ARHGEF38: variants seen among roughly 807,000 people sequenced by gnomAD.
ARHGEF38 encodes Rho guanine nucleotide exchange factor (GEF) 38.
A neutral mutation model predicts 79.9 loss-of-function variants in ARHGEF38; 79 were observed. The observed-to-expected ratio is 0.99, with a 90% CI of 0.82 to 1.19. The LOEUF (loss-of-function observed/expected upper bound fraction) is 1.19. ARHGEF38 is among the 50% of genes most tolerant of loss of function. The pLI is 0.00. For missense variants in ARHGEF38, 962 were observed against 907.2 expected (o/e 1.06, Z -0.78); for synonymous variants, 366 against 328.3 (o/e 1.11, Z -1.24).
At chr4:105,600,382 T>C (rs909976626) in intron 2 of ARHGEF38, among the ~76,000 whole-genome samples, 1 of 152,188 alleles carries the variant, frequency 6.6e-6, no homozygotes, top group African/African-American at 2.4e-5. Flanking sequence ...TGGCAGCATT[T>C]GACAAAAACA....
At chr4:105,672,076 C>A (rs1412592096) in intron 13 of ARHGEF38, among the ~76,000 whole-genome samples, 3 of 152,092 alleles carry the variant, frequency 2.0e-5, no homozygotes, top group African/African-American at 7.2e-5. Flanking sequence ...AACTTAGATT[C>A]TAGTGGCTCT....
chr4:105,566,053 T>A (rs909453458), intron 1 of ARHGEF38, among the ~76,000 whole-genome samples: 1 of 152,146 alleles, frequency 6.6e-6, no homozygotes, highest in African/African-American at 2.4e-5. Context: ...CTCTCAAATC[T>A]AGTTCAGTGG....
chr4:105,659,005 G>T, intron 9 of ARHGEF38, 49 bp from the exon 10 acceptor site: 2 of 1,466,646 alleles, frequency 1.4e-6, no homozygotes, highest in South Asian at 1.3e-5. Context: ...ACTGGACAAG[G>T]TATGGGCTGA....
intron 3 of ARHGEF38, among the ~76,000 whole-genome samples, chr4:105,615,318 A>G (rs1728468507): frequency 6.6e-6 from 1 of 152,204 alleles, no homozygotes; most frequent in Non-Finnish European, 1.5e-5. Flanking sequence ...AGAGAGAAAG[A>G]TATGGTAGGT....
At chr4:105,582,999 ATCT>A (rs541260907) in intron 1 of ARHGEF38, among the ~76,000 whole-genome samples, 295 of 152,122 alleles carry the variant, frequency 1.9e-3, no homozygotes, top group Non-Finnish European at 3.1e-3. Context: ...TTGTACTTTC[ATCT>A]TCTTGTGTGC....
At chr4:105,601,738 T>G (rs1727831230) in intron 2 of ARHGEF38, among the ~76,000 whole-genome samples, 1 of 151,984 alleles carries the variant, frequency 6.6e-6, no homozygotes, top group South Asian at 2.1e-4. Context: ...AGGTAGAAAA[T>G]CAGAGATGCT....
chr4:105,617,369 G>C (rs1284873495), intron 3 of ARHGEF38, among the ~76,000 whole-genome samples: 1 of 152,084 alleles, frequency 6.6e-6, no homozygotes, highest in Non-Finnish European at 1.5e-5. Context: ...TGAAGTTGTG[G>C]AATTTATTAA....
At chr4:105,571,476 C>T (rs1433577878) in intron 1 of ARHGEF38, among the ~76,000 whole-genome samples, 2 of 152,048 alleles carry the variant, frequency 1.3e-5, no homozygotes, top group Admixed American at 6.5e-5. Context: ...GCGCCCACCA[C>T]CATGCCCAGC....
chr4:105,630,820 C>T (rs1027000321), intron 3 of ARHGEF38, 78 bp from the exon 4 acceptor site: 44 of 1,322,172 alleles, frequency 3.3e-5, no homozygotes, highest in South Asian at 2.5e-4. Flanking sequence ...TGACACGAGT[C>T]GACATTGTTG....
chr4:105,667,146 A>C lies in ARHGEF38; in HGVS notation c.1707A>C (p.Gln569His). 6.5e-7 allele frequency: 1 copy of C among 1,533,260 alleles called. No individual in the cohort carries two copies. Among genetic ancestry groups the C allele is most frequent in the Non-Finnish European group, 8.7e-7 (1 of 1,144,870 alleles). The allele number at this position is 1,533,260 out of a possible 1,614,324, so 95.0% of individuals were successfully genotyped here. Reference sequence around the variant, plus strand: ...TCTCCCAGCCAGAAATGCCACATCAAACTGACATTCATCGCTCCAAACTTC... The same window carrying C: ...TCTCCCAGCCAGAAATGCCACATCACACTGACATTCATCGCTCCAAACTTC... ...PVQILPEMPH[Q>H]TDIHRSKLLS... Residue 569 changes from glutamine (Q) to histidine (H), a missense_variant, in exon 12 of 14, where the codon CAA becomes CAC. Gln to His is a conservative substitution (Grantham distance 24). Transcript: ENST00000420470.
chr4:105,602,991 T>C (rs1727889722), intron 2 of ARHGEF38, among the ~76,000 whole-genome samples: 1 of 152,132 alleles, frequency 6.6e-6, no homozygotes, highest in African/African-American at 2.4e-5. Flanking sequence ...GTCTACCTAG[T>C]AGTGCAAAGA....
At chr4:105,599,658 G>A (rs530346861) in intron 2 of ARHGEF38, among the ~76,000 whole-genome samples, 1 of 152,164 alleles carries the variant, frequency 6.6e-6, no homozygotes, top group Admixed American at 6.6e-5. Flanking sequence ...GCTTTATTCA[G>A]GCATAGGTCA....
intron 2 of ARHGEF38, among the ~76,000 whole-genome samples, chr4:105,604,174 G>A (rs993782716): frequency 6.6e-6 from 1 of 152,136 alleles, no homozygotes; most frequent in Non-Finnish European, 1.5e-5. Context: ...CTGACTTCAT[G>A]TGTGTGGGGA....
intron 1 of ARHGEF38, among the ~76,000 whole-genome samples, chr4:105,553,359 T>A (rs1250768475): frequency 6.6e-6 from 1 of 152,152 alleles, no homozygotes. Flanking sequence ...TATTACACCA[T>A]GAGATATATC....
intron 7 of ARHGEF38, 32 bp from the exon 8 acceptor site, chr4:105,654,033 G>C (rs1244394898): frequency 8.0e-7 from 1 of 1,242,332 alleles, no homozygotes; most frequent in South Asian, 1.6e-5. Flanking sequence ...TGTTTCATTT[G>C]AGTTATGAAA....
In ARHGEF38 at chr4:105,655,635, G is replaced by C; in HGVS notation, c.1146G>C (p.Met382Ile). 1 of 1,535,942 alleles carries C rather than the reference G, an allele frequency of 6.5e-7. No homozygotes were observed. The highest frequency in any genetic ancestry group is 8.7e-7 in the Non-Finnish European group (1 of 1,146,718). ...DAMPLALQSV[M>I]DLQEISYNKD... ...TGCCCCTGGCTCTGCAGAGTGTGAT[G>C]GACCTTCAGGAGATTTCATACAACA... is the stretch of plus-strand genomic sequence containing the variant. Residue 382 changes from methionine to isoleucine, a missense_variant, in exon 9 of 14, where the codon ATG becomes ATC. Transcript: ENST00000420470.
At chr4:105,573,099 T>C (rs1369874865) in intron 1 of ARHGEF38, among the ~76,000 whole-genome samples, 2 of 152,206 alleles carry the variant, frequency 1.3e-5, no homozygotes, top group Admixed American at 6.5e-5. Context: ...ATTTTGTTGT[T>C]GTTATTGTTG....
chr4:105,584,751 T>G (rs919268961), intron 1 of ARHGEF38, among the ~76,000 whole-genome samples: 2 of 152,056 alleles, frequency 1.3e-5, no homozygotes, highest in Admixed American at 1.3e-4. Context: ...AAGAAAGAAA[T>G]TACCTCTCCT....
chr4:105,580,031 A>G (rs1274485264), intron 1 of ARHGEF38, among the ~76,000 whole-genome samples: 1 of 152,120 alleles, frequency 6.6e-6, no homozygotes. Flanking sequence ...TGTGTTCAGA[A>G]TAGTCTCTGA....
Sources: allele counts gnomAD v4.1 joint callset (sites outside exome capture counted in the v4.1 genomes callset), GRCh38; gene constraint gnomAD v4.1.1; transcripts MANE v1.5; gene names NCBI Gene and HGNC (gene_info 2026-07-23, HGNC 2026-07-21).